MKLN1: variants seen among roughly 807,000 people sequenced by gnomAD.
MKLN1 encodes muskelin.
A neutral mutation model predicts 99.0 loss-of-function variants in MKLN1; 18 were observed. That is an observed-to-expected ratio of 0.18 (90% CI 0.13 to 0.27). The LOEUF (loss-of-function observed/expected upper bound fraction) is 0.27, where lower values mean the gene tolerates loss of function less well. MKLN1 is among the 10% of genes least tolerant of loss of function. The pLI is 1.00. For missense variants in MKLN1, 621 were observed against 875.9 expected, an observed-to-expected ratio of 0.71 and a Z score of 3.67; for synonymous variants, 288 against 293.2, an observed-to-expected ratio of 0.98 and a Z score of 0.18.
chr7:131,446,450 C>A (rs894044693), intron 12 of MKLN1, among the ~76,000 whole-genome samples: 1 of 152,104 alleles, frequency 6.6e-6, no homozygotes, highest in Admixed American at 6.5e-5. Flanking sequence ...TTATAGTTAC[C>A]CTACATAGTA....
Position 131,414,113 on chromosome 7 carries a change from TACAC to T in MKLN1, c.782-530_782-527del, listed in dbSNP as rs768350386. Among the ~76,000 whole-genome samples the T allele has an allele frequency of 5.3e-5, 8 of 152,240 alleles. No individual in the cohort carries two copies. The East Asian group carries it at 1.2e-3, about 22-fold the overall frequency. On this transcript the variant is annotated intron_variant, in intron 7 of 17. Transcript: ENST00000352689. Reference sequence around the variant, plus strand: ...ATTATACAAAGTTATATAAAATAATTACACAAAGTACAAAATTATACAAAAATTT... The same window carrying T: ...ATTATACAAAGTTATATAAAATAATTAAAGTACAAAATTATACAAAAATTT...
At chr7:131,408,852 T>C (rs1179731366) in intron 6 of MKLN1, among the ~76,000 whole-genome samples, 2 of 152,182 alleles carry the variant, frequency 1.3e-5, no homozygotes, top group Non-Finnish European at 2.9e-5. Context: ...TTTATTATAG[T>C]CATAATTATA....
chr7:131,246,638 T>A (rs993721189), intron 3 of MKLN1, among the ~76,000 whole-genome samples: 1 of 146,210 alleles, frequency 6.8e-6, no homozygotes, highest in African/African-American at 2.5e-5. Context: ...TAAAGTGATT[T>A]TAGTCTTTTT....
intron 16 of MKLN1, 183 bp downstream of exon 16, chr7:131,471,127 A>G (rs1344422234): frequency 2.0e-6 from 1 of 507,166 alleles, no homozygotes; most frequent in Non-Finnish European, 3.5e-6. Flanking sequence ...TTCGTGTGAT[A>G]AGATTCAAGT....
intron 15 of MKLN1, 22 bp from the exon 16 acceptor site, chr7:131,470,820 T>TACAAACA: frequency 4.2e-6 from 6 of 1,436,308 alleles, no homozygotes; most frequent in Non-Finnish European, 4.9e-6. Context: ...TCCAGATAAT[T>TACAAACA]ATCCTTGTGT....
chr7:131,473,857 A>AT (rs1796894388), intron 16 of MKLN1, among the ~76,000 whole-genome samples: 1 of 152,214 alleles, frequency 6.6e-6, no homozygotes, highest in South Asian at 2.1e-4. Flanking sequence ...TTAGAATTGA[A>AT]TAAGTACTGG....
chr7:131,270,672 G>T (rs1293642656), intron 3 of MKLN1, among the ~76,000 whole-genome samples: 1 of 152,126 alleles, frequency 6.6e-6, no homozygotes, highest in Non-Finnish European at 1.5e-5. Flanking sequence ...TAATTGTTGA[G>T]TACCTAATAT....
intron 17 of MKLN1, among the ~76,000 whole-genome samples, chr7:131,484,927 C>T (rs1797232245): frequency 6.6e-6 from 1 of 151,550 alleles, no homozygotes; most frequent in African/African-American, 2.4e-5. Flanking sequence ...TCCTCTGGGG[C>T]TTTAAGAAAT....
intron 2 of MKLN1, among the ~76,000 whole-genome samples, chr7:131,166,969 G>A (rs1796135169): frequency 6.6e-6 from 1 of 152,120 alleles, no homozygotes. Flanking sequence ...GGGATTACAG[G>A]TGTGAGCCAC....
At chr7:131,275,494 G>A (rs1453278344) in intron 3 of MKLN1, among the ~76,000 whole-genome samples, 21 of 116,982 alleles carry the variant, frequency 1.8e-4, no homozygotes, top group African/African-American at 9.5e-5. Context: ...TCAGCCTCCC[G>A]AGCAGCTGCG....
chr7:131,328,420 C>T (rs1798960748), intron 1 of MKLN1, among the ~76,000 whole-genome samples: 1 of 151,930 alleles, frequency 6.6e-6, no homozygotes, highest in Non-Finnish European at 1.5e-5. Flanking sequence ...ACAGTTCAGT[C>T]GATTGCTGCC....
At chr7:131,355,514 A>G (rs1799846457) in intron 1 of MKLN1, among the ~76,000 whole-genome samples, 1 of 151,438 alleles carries the variant, frequency 6.6e-6, no homozygotes, top group Non-Finnish European at 1.5e-5. Context: ...CATTTTTCTA[A>G]GCTTATGGCT....
At chr7:131,413,519 T>G (rs1168594077) in intron 7 of MKLN1, among the ~76,000 whole-genome samples, 1 of 152,092 alleles carries the variant, frequency 6.6e-6, no homozygotes, top group East Asian at 1.9e-4. Flanking sequence ...CTTACAACCT[T>G]TTGAACTACT....
chr7:131,152,531 G>C (rs554048154), intron 2 of MKLN1, among the ~76,000 whole-genome samples: 3 of 140,310 alleles, frequency 2.1e-5, no homozygotes, highest in Non-Finnish European at 3.0e-5. Context: ...ACGGAGTCTC[G>C]CTCTGTCACC....
chr7:131,242,410 C>G lies in MKLN1; in HGVS notation c.-179+39436C>G, dbSNP rs952942742. 2.6e-5 allele frequency among the ~76,000 whole-genome samples: 4 copies of G among 152,112 alleles called. No homozygotes were observed. In the East Asian group the frequency reaches 7.7e-4, roughly 29 times the overall value. ...AATTAGCTGGTTATGGTGGGGCATG[C>G]CTGTAGTCCCGGCTACTCAGGAGGC... is the stretch of plus-strand genomic sequence containing the variant. On this transcript the variant is annotated intron_variant, in intron 3 of 7. Coordinates refer to the MKLN1 transcript ENST00000416992.
At chr7:131,295,188 G>T (rs571563848) in intron 3 of MKLN1, among the ~76,000 whole-genome samples, 1 of 151,574 alleles carries the variant, frequency 6.6e-6, no homozygotes, top group South Asian at 2.1e-4. Flanking sequence ...ATTTTATTTT[G>T]TAAAGACAGA....
At chr7:131,359,075 G>T (rs920283401) in intron 1 of MKLN1, among the ~76,000 whole-genome samples, 12 of 151,776 alleles carry the variant, frequency 7.9e-5, no homozygotes, top group Admixed American at 7.9e-4. Flanking sequence ...TGCTTCAGTT[G>T]CTTTTCTCTA....
At chr7:131,283,071 T>A (rs1355746114) in intron 3 of MKLN1, among the ~76,000 whole-genome samples, 1 of 152,192 alleles carries the variant, frequency 6.6e-6, no homozygotes, top group Non-Finnish European at 1.5e-5. Flanking sequence ...CATCTCAATC[T>A]GCATACGTTA....
intron 2 of MKLN1, among the ~76,000 whole-genome samples, chr7:131,169,044 T>C (rs1246310811): frequency 6.6e-6 from 1 of 152,092 alleles, no homozygotes; most frequent in Admixed American, 6.6e-5. Flanking sequence ...ATATTTGTAT[T>C]TTTAGTAAGA....
Sources: gnomAD v4.1 joint callset for allele counts (sites outside exome capture counted in the v4.1 genomes callset) on GRCh38, gnomAD v4.1.1 for gene constraint, MANE v1.5 for transcripts, NCBI Gene and HGNC (gene_info 2026-07-23, HGNC 2026-07-21) for gene names.